MPPED2: variants seen among roughly 807,000 people sequenced by gnomAD.
MPPED2 encodes the protein metallophosphoesterase domain containing 2, also known as metallophosphoesterase MPPED2.
In MPPED2, 5 loss-of-function variants were observed where a neutral mutation model predicts 33.0. The ratio of observed to expected loss-of-function variants is 0.15; its 90% CI spans 0.08 to 0.32. MPPED2 has a LOEUF of 0.32. MPPED2 is among the 10% of genes least tolerant of loss of function. MPPED2 has a pLI of 1.00. For synonymous variants in MPPED2, 136 were observed against 141.9 expected, an observed-to-expected ratio of 0.96 and a Z score of 0.29; for missense variants, 275 against 372.1, an observed-to-expected ratio of 0.74 and a Z score of 2.15.
intron 3 of MPPED2, chr11:30,504,772 T>C: frequency 7.8e-7 from 1 of 1,289,040 alleles, no homozygotes; most frequent in South Asian, 1.2e-5. Flanking sequence ...TTCAGACTGC[T>C]ACCTTCTCCT....
intron 2 of MPPED2, among the ~76,000 whole-genome samples, chr11:30,546,342 T>C (rs1955425687): frequency 1.3e-5 from 2 of 152,136 alleles, no homozygotes; most frequent in South Asian, 4.1e-4. Context: ...ACACACGAGC[T>C]TGTTTTTTTA....
chr11:30,523,313 T>C (rs1363032563), intron 3 of MPPED2, among the ~76,000 whole-genome samples: 1 of 150,438 alleles, frequency 6.6e-6, no homozygotes, highest in African/African-American at 2.4e-5. Context: ...TGGGGGGAGG[T>C]GGGAAATTAA....
intron 3 of MPPED2, among the ~76,000 whole-genome samples, chr11:30,515,496 G>C (rs1479258301): frequency 6.6e-6 from 1 of 152,160 alleles, no homozygotes; most frequent in Non-Finnish European, 1.5e-5. Flanking sequence ...CTAGGGGCTA[G>C]AGAAAACTGA....
At chr11:30,433,328 G>A (rs1336195154) in intron 4 of MPPED2, among the ~76,000 whole-genome samples, 1 of 152,112 alleles carries the variant, frequency 6.6e-6, no homozygotes, top group East Asian at 1.9e-4. Flanking sequence ...TAAACATATT[G>A]GACCCCCTAT....
At chr11:30,539,875 A>C (rs2077351663) in intron 2 of MPPED2, among the ~76,000 whole-genome samples, 1 of 151,932 alleles carries the variant, frequency 6.6e-6, no homozygotes, top group African/African-American at 2.4e-5. Context: ...TAATCTTCCC[A>C]CCTCAGCCTC....
chr11:30,521,109 T>C (rs765722949), intron 3 of MPPED2, among the ~76,000 whole-genome samples: 90 of 152,312 alleles, frequency 5.9e-4, no homozygotes, highest in Middle Eastern at 3.4e-3. Context: ...GGAGGAATGC[T>C]AGAATAGTTA....
chr11:30,416,611 T>C (rs1948370861), intron 5 of MPPED2, among the ~76,000 whole-genome samples: 2 of 152,074 alleles, frequency 1.3e-5, no homozygotes, highest in African/African-American at 4.8e-5. Flanking sequence ...CACTGAAAAA[T>C]GTGTTAAAAG....
At chr11:30,513,729 T>C (rs991733618) in intron 3 of MPPED2, among the ~76,000 whole-genome samples, 1 of 151,960 alleles carries the variant, frequency 6.6e-6, no homozygotes, top group Non-Finnish European at 1.5e-5. Flanking sequence ...GTCTGTCCTA[T>C]ACATGGATCC....
intron 3 of MPPED2, among the ~76,000 whole-genome samples, chr11:30,532,649 T>C (rs1311492234): frequency 6.6e-6 from 1 of 152,138 alleles, no homozygotes; most frequent in Non-Finnish European, 1.5e-5. Context: ...GGCTTGAGAG[T>C]TTACACAACT....
In MPPED2 at chr11:30,420,334, G is replaced by A. The variant is rs148900634; in HGVS notation, c.537-2701C>T. On this transcript the variant is annotated intron_variant, in intron 4 of 6. Transcript: ENST00000358117. The stretch of plus-strand genomic sequence containing the variant: ...AAACGTGGGCAACCTGTAGAAGCTG[G>A]AAAAGTTACGAAAAACCCAGATCTT... 2.1e-3 allele frequency among the ~76,000 whole-genome samples: 320 copies of A among 152,262 alleles called. 6 individuals are homozygous for A. Among genetic ancestry groups the A allele is most frequent in the African/African-American group, 7.0e-3 (290 of 41,546 alleles).
chr11:30,408,309 T>C (rs1948021668), downstream of MPPED2, among the ~76,000 whole-genome samples: 1 of 152,176 alleles, frequency 6.6e-6, no homozygotes. Flanking sequence ...CCCAGGCTTG[T>C]GCCAGTCTCT....
chr11:30,441,744 T>C lies in MPPED2; in HGVS notation c.537-24111A>G, dbSNP rs567668177. 2.6e-5 allele frequency among the ~76,000 whole-genome samples: 4 copies of C among 152,286 alleles called. No individual in the cohort carries two copies. The East Asian group carries it at 7.7e-4, about 29-fold the overall frequency. Reference sequence around the variant, plus strand: ...CAGCCTTCATTCTCTTGCCCCTTTTTTTTTGCATAGGTTTCCCCATTCCTG... The same window carrying C: ...CAGCCTTCATTCTCTTGCCCCTTTTCTTTTGCATAGGTTTCCCCATTCCTG... On this transcript the variant is annotated intron_variant, in intron 4 of 6. Transcript: ENST00000358117.
At chr11:30,405,302 G>A (rs1277147435), downstream of MPPED2, among the ~76,000 whole-genome samples, 1 of 152,148 alleles carries the variant, frequency 6.6e-6, no homozygotes, top group Admixed American at 6.5e-5. Context: ...GAAATCACAG[G>A]CCCTTTCCCC....
chr11:30,441,238 T>C (rs1227880320), intron 4 of MPPED2: 2 of 152,230 alleles, frequency 1.3e-5, no homozygotes, highest in Non-Finnish European at 2.9e-5. Flanking sequence ...AATGCCCTTT[T>C]AATTACAGCT....
intron 2 of MPPED2, among the ~76,000 whole-genome samples, chr11:30,564,459 G>C (rs555123215): frequency 6.6e-6 from 1 of 152,226 alleles, no homozygotes; most frequent in African/African-American, 2.4e-5. Context: ...TTTGAGAAAA[G>C]TACTATTTGC....
At chr11:30,461,773 GAT>G in intron 4 of MPPED2, among the ~76,000 whole-genome samples, 1 of 152,304 alleles carries the variant, frequency 6.6e-6, no homozygotes, top group African/African-American at 2.4e-5. Context: ...CCGGCCCTCA[GAT>G]ATTTAAGCAA....
At chr11:30,552,302 T>C (rs752342598) in intron 2 of MPPED2, among the ~76,000 whole-genome samples, 4 of 151,958 alleles carry the variant, frequency 2.6e-5, no homozygotes, top group Non-Finnish European at 4.4e-5. Context: ...CAAACGGGAG[T>C]TTCCCCAAAA....
Position 30,410,401 on chromosome 11 carries a change from G to A in MPPED2, c.*1067C>T. ...ATGACTATTAGCGACAATATTTTGT[G>A]CTAGCGAAGATTGCATCGACACACA... On this transcript the variant is annotated 3_prime_UTR_variant, in exon 7 of 7. Coordinates refer to ENST00000358117, the MANE Select transcript of MPPED2 (RefSeq NM_001584.3). 1.0e-6 allele frequency: 1 copy of A among 985,776 alleles called. No homozygotes were observed. The highest frequency in any genetic ancestry group is 1.2e-6 in the Non-Finnish European group (1 of 829,868). The allele number at this position is 985,776 out of a possible 1,614,324, so 61.1% of individuals were successfully genotyped here.
chr11:30,534,697 C>A (rs993007601), intron 3 of MPPED2, among the ~76,000 whole-genome samples: 1 of 152,144 alleles, frequency 6.6e-6, no homozygotes, highest in Non-Finnish European at 1.5e-5. Context: ...TAAAGAATTT[C>A]ATATCCTTTG....
Sources: allele counts gnomAD v4.1 joint callset (sites outside exome capture counted in the v4.1 genomes callset), GRCh38; gene constraint gnomAD v4.1.1; transcripts MANE v1.5; gene names NCBI Gene and HGNC (gene_info 2026-07-23, HGNC 2026-07-21).